The following NBEA variants were observed in gnomAD, a reference collection of about 807,000 sequenced individuals.
NBEA encodes the protein neurobeachin.
In NBEA, 44 loss-of-function variants were observed where a neutral mutation model predicts 343.4. The ratio of observed to expected loss-of-function variants is 0.13; its 90% CI spans 0.10 to 0.16. NBEA has a LOEUF of 0.16. Among genes scored for constraint, NBEA ranks in the 10% least tolerant of loss-of-function variants. The probability of loss-of-function intolerance (pLI) is 1.00; values close to 1 mark genes in which losing one functional copy is unlikely to be tolerated. For missense variants in NBEA, 2,555 were observed against 3,631.3 expected, an observed-to-expected ratio of 0.70 and a Z score of 7.62; for synonymous variants, 1,175 against 1,238.7, an observed-to-expected ratio of 0.95 and a Z score of 1.08.
At chr13:35,008,240 T>C (rs549633820) in intron 1 of NBEA, among the ~76,000 whole-genome samples, 3 of 152,308 alleles carry the variant, frequency 2.0e-5, no homozygotes, top group Non-Finnish European at 4.4e-5. Context: ...GTATACAGTT[T>C]AGTGGTTTTA....
In NBEA at chr13:35,672,568, T is replaced by G. The variant is rs887680508; in HGVS notation, c.*1577T>G. On this transcript the variant is annotated 3_prime_UTR_variant, in exon 59 of 59. Transcript: ENST00000379939. ...TTGTAGCTTAGAATTGGGAGGATAC[T>G]TAACATCTGGAAGACAAGTTCATTT... 6.6e-6 allele frequency: 1 copy of G among 152,664 alleles called. No homozygotes were observed. The highest frequency in any genetic ancestry group is 1.5e-5 in the Non-Finnish European group (1 of 68,036). The allele number at this position is 152,664 out of a possible 1,614,324, so 9.5% of individuals were successfully genotyped here.
chr13:34,957,054 CAT>C (rs112902426), intron 1 of NBEA, among the ~76,000 whole-genome samples: 2 of 151,844 alleles, frequency 1.3e-5, no homozygotes, highest in South Asian at 2.1e-4. Flanking sequence ...TACACACACA[CAT>C]ATATACATAC....
intron 10 of NBEA, among the ~76,000 whole-genome samples, chr13:35,084,741 A>G (rs1328848036): frequency 6.6e-6 from 1 of 152,170 alleles, no homozygotes; most frequent in Admixed American, 6.6e-5. Context: ...TCAGAGCAGA[A>G]CTAAAGGAAA....
At chr13:35,584,220 A>G (rs1024846085) in intron 46 of NBEA, among the ~76,000 whole-genome samples, 182 bp downstream of exon 46, 3 of 152,126 alleles carry the variant, frequency 2.0e-5, no homozygotes, top group African/African-American at 7.2e-5. Context: ...CATTTGCAAA[A>G]TTGGATTAGG....
At chr13:35,297,703 A>C (rs61607971) in intron 35 of NBEA, among the ~76,000 whole-genome samples, 6,293 of 152,082 alleles carry the variant, frequency 0.041, 150 homozygotes, top group South Asian at 0.078. Flanking sequence ...TGTTGTGCTT[A>C]CCACTATGTC....
chr13:35,163,796 A>AT (rs780105582), intron 23 of NBEA, among the ~76,000 whole-genome samples: 30 of 151,974 alleles, frequency 2.0e-4, no homozygotes, highest in Non-Finnish European at 3.8e-4. Flanking sequence ...CTCCCCTATC[A>AT]TGTCACTTCT....
chr13:34,974,833 A>G (rs2060112616), intron 1 of NBEA, among the ~76,000 whole-genome samples: 1 of 152,186 alleles, frequency 6.6e-6, no homozygotes. Flanking sequence ...TCTACCAGTT[A>G]GCAGCACATG....
At chr13:35,004,337 C>CT in intron 1 of NBEA, among the ~76,000 whole-genome samples, 1 of 152,166 alleles carries the variant, frequency 6.6e-6, no homozygotes, top group Admixed American at 6.5e-5. Context: ...GGCTCTAGGT[C>CT]TTTGAGGAAT....
Position 35,087,902 on chromosome 13 carries a change from C to T in NBEA, c.1572-10395C>T, listed in dbSNP as rs563754779. ...ATTTTGAAGTAGGAGGTTTGTTAAA[C>T]GATGTTGGTTTTCATCAAGTGGTCA... is the stretch of plus-strand genomic sequence containing the variant. On this transcript the variant is annotated intron_variant, in intron 10 of 58. Coordinates refer to ENST00000379939, the MANE Select transcript of NBEA (RefSeq NM_001385012.1). Among the ~76,000 whole-genome samples, 11 of 151,914 alleles carry T rather than the reference C, an allele frequency of 7.2e-5. No homozygotes were observed. The South Asian group carries it at 1.7e-3, about 23-fold the overall frequency.
At position 35,572,326 on chromosome 13, in the gene NBEA, A is replaced by T. The variant is rs149119511; in HGVS notation, c.7035+5309A>T. Among the ~76,000 whole-genome samples, 967 of 152,296 alleles carry T rather than the reference A, an allele frequency of 6.3e-3. 12 individuals carry two copies. The highest frequency in any genetic ancestry group is 0.022 in the African/African-American group (916 of 41,564). Reference sequence around the variant, plus strand: ...TCTCTGCTCATTAAAGTGTAAATAGAATTTTCCTATTTCCCAGTCATGCCC... The same window carrying T: ...TCTCTGCTCATTAAAGTGTAAATAGTATTTTCCTATTTCCCAGTCATGCCC... On this transcript the variant is annotated intron_variant, in intron 45 of 58. Transcript: ENST00000379939.
intron 1 of NBEA, among the ~76,000 whole-genome samples, chr13:34,998,098 G>T (rs1392726450): frequency 6.6e-6 from 1 of 152,102 alleles, no homozygotes; most frequent in East Asian, 1.9e-4. Context: ...GAGTACAAAA[G>T]GGAGAAATTT....
chr13:35,281,301 T>G (rs1296308218), intron 34 of NBEA, among the ~76,000 whole-genome samples: 2 of 152,200 alleles, frequency 1.3e-5, no homozygotes, highest in Non-Finnish European at 2.9e-5. Flanking sequence ...TACTGATTAC[T>G]CATCTCTAAT....
intron 1 of NBEA, among the ~76,000 whole-genome samples, chr13:35,007,483 T>C (rs1566154298): frequency 6.6e-6 from 1 of 152,172 alleles, no homozygotes; most frequent in Non-Finnish European, 1.5e-5. Flanking sequence ...TGCTGAAATC[T>C]TCAATCTTTT....
chr13:35,471,746 A>G (rs1291043259), intron 40 of NBEA, among the ~76,000 whole-genome samples: 2 of 152,100 alleles, frequency 1.3e-5, no homozygotes, highest in African/African-American at 4.8e-5. Flanking sequence ...AGCGTCTTAC[A>G]TTTTCATCAC....
chr13:34,943,221 C>T (rs772622955), intron 1 of NBEA, 107 bp downstream of exon 1: 31 of 1,431,754 alleles, frequency 2.2e-5, no homozygotes, highest in Non-Finnish European at 2.9e-5. Flanking sequence ...CGCCGCGCGT[C>T]CCTGGGAGCG....
intron 55 of NBEA, among the ~76,000 whole-genome samples, chr13:35,661,981 C>T (rs1438462833): frequency 6.6e-6 from 1 of 152,072 alleles, no homozygotes; most frequent in Middle Eastern, 3.2e-3. Flanking sequence ...CCACAGCTTC[C>T]CCTGCATATC....
At chr13:35,369,295 A>G (rs909627868) in intron 38 of NBEA, among the ~76,000 whole-genome samples, 5 of 151,184 alleles carry the variant, frequency 3.3e-5, no homozygotes, top group African/African-American at 1.2e-4. Flanking sequence ...TACCAATACC[A>G]TGCTCTTTTG....
chr13:35,173,632 C>A, intron 27 of NBEA, 38 bp downstream of exon 27: 1 of 1,572,952 alleles, frequency 6.4e-7, no homozygotes, highest in Non-Finnish European at 8.6e-7. Flanking sequence ...TATAATTTAC[C>A]TGAAAAAAAT....
At position 35,196,229 on chromosome 13, in the gene NBEA, A is replaced by G. The variant is rs752997430; in HGVS notation, c.5293A>G (p.Ile1765Val). ...AATAGCAGAATGTGGCCCTGAACCTATCCCATACCCAGATCCAGCATTGAA... is the reference window on the plus strand; with the variant it reads ...AATAGCAGAATGTGGCCCTGAACCTGTCCCATACCCAGATCCAGCATTGAA... The part of the protein sequence containing the change: ...VEIAECGPEP[I>V]PYPDPALKRE... The change falls in exon 31 of 59, where the codon ATC (isoleucine) becomes GTC (valine). Residue 1765 changes from isoleucine (I) to valine (V), a missense_variant. This residue lies in a region of NBEA where 270 missense variants were observed against 293.3 expected (regional missense o/e 0.92). Coordinates refer to ENST00000379939, the MANE Select transcript of NBEA (RefSeq NM_001385012.1). 21 of 1,613,454 alleles carry G rather than the reference A, an allele frequency of 1.3e-5. No individual in the cohort carries two copies. Among genetic ancestry groups the G allele is most frequent in the Non-Finnish European group, 1.8e-5 (21 of 1,179,686 alleles).
Sources: gnomAD v4.1 joint callset for allele counts (sites outside exome capture counted in the v4.1 genomes callset) on GRCh38, gnomAD v4.1.1 for gene constraint, gnomAD v4.1.1 regional missense constraint, MANE v1.5 for transcripts, NCBI Gene and HGNC (gene_info 2026-07-23, HGNC 2026-07-21) for gene names.